The following AQP8 variants were observed in gnomAD, a reference collection of about 807,000 sequenced individuals.
AQP8 encodes aquaporin-8.
AQP8 carries 14 observed loss-of-function variants against 26.1 expected under a neutral mutation model. The observed-to-expected ratio is 0.54, with a 90% CI of 0.35 to 0.84. The LOEUF (loss-of-function observed/expected upper bound fraction) is 0.84, where lower values mean the gene tolerates loss of function less well. Ranked by LOEUF, AQP8 falls within the 40% of genes least tolerant of loss-of-function variation. The probability of loss-of-function intolerance (pLI) is 0.01; values close to 1 mark genes in which losing one functional copy is unlikely to be tolerated. For missense variants in AQP8, 301 were observed against 340.5 expected (o/e 0.88, Z 0.91); for synonymous variants, 131 against 150.7 (o/e 0.87, Z 0.96).
At chr16:25,227,008 T>A (rs1962643614) in intron 4 of AQP8, 60 bp from the exon 5 acceptor site, 1 of 1,609,726 alleles carries the variant, frequency 6.2e-7, no homozygotes, top group Non-Finnish European at 8.5e-7. Context: ...GGGACATGAG[T>A]GTGAGGTGAG....
rs143923104 is a variant in AQP8 at position 25,217,368 on chromosome 16, G to A, written c.183G>A (p.Thr61=). The change falls in exon 2 of 6, where the codon ACG becomes ACA. Residue 61 remains threonine, a synonymous_variant. Transcript: ENST00000219660. ...GCCTGTCGGTCATTGAGAATGGGACGGACACTGGGCTGCTGCAGCCGGCCC... is the reference window on the plus strand; with the variant it reads ...GCCTGTCGGTCATTGAGAATGGGACAGACACTGGGCTGCTGCAGCCGGCCC... ...IGCLSVIENG[T]DTGLLQPALA... 1.4e-5 allele frequency: 22 copies of A among 1,614,128 alleles called. No homozygotes were observed. The Admixed American group carries it at 2.0e-4, about 15-fold the overall frequency.
intron 4 of AQP8, 74 bp downstream of exon 4, chr16:25,224,650 G>A (rs1962608715): frequency 2.1e-6 from 3 of 1,463,154 alleles, no homozygotes; most frequent in African/African-American, 2.8e-5. Flanking sequence ...TCAGGCCTGA[G>A]GGTCACAGAT....
intron 2 of AQP8, among the ~76,000 whole-genome samples, chr16:25,219,474 C>A: frequency 6.6e-6 from 1 of 151,584 alleles, no homozygotes; most frequent in Non-Finnish European, 1.5e-5. Flanking sequence ...GCTGAGTGAA[C>A]AATGAATGAA....
At chr16:25,227,467 TCAAA>T (rs759595903) in intron 5 of AQP8, among the ~76,000 whole-genome samples, 1 of 152,142 alleles carries the variant, frequency 6.6e-6, no homozygotes, top group Non-Finnish European at 1.5e-5. Flanking sequence ...CAGGTGGCGC[TCAAA>T]CAATGTCTTT....
chr16:25,217,728 A>G (rs1962507982), intron 2 of AQP8, among the ~76,000 whole-genome samples: 1 of 152,138 alleles, frequency 6.6e-6, no homozygotes, highest in Non-Finnish European at 1.5e-5. Context: ...GGGTCTCACT[A>G]TGTTGCCCAG....
intron 3 of AQP8, among the ~76,000 whole-genome samples, chr16:25,222,855 C>T (rs1049009778): frequency 2.0e-5 from 3 of 152,166 alleles, no homozygotes; most frequent in Non-Finnish European, 2.9e-5. Context: ...GGAACACGCC[C>T]GGGACCTTCC....
intron 2 of AQP8, among the ~76,000 whole-genome samples, chr16:25,219,547 C>T (rs948756836): frequency 1.3e-5 from 2 of 151,500 alleles, no homozygotes; most frequent in Admixed American, 6.6e-5. Flanking sequence ...GTGTGGTTTT[C>T]GTCACCTGGC....
chr16:25,222,750 C>A (rs990790873), intron 3 of AQP8, among the ~76,000 whole-genome samples: 1 of 152,046 alleles, frequency 6.6e-6, no homozygotes, highest in Non-Finnish European at 1.5e-5. Flanking sequence ...GCTGACCCAC[C>A]GCAGACTTTG....
chr16:25,217,066 T>G lies in AQP8; in HGVS notation c.12+9T>G, dbSNP rs577066597. On this transcript the variant is annotated intron_variant, in intron 1 of 5. Transcript: ENST00000219660. ...TCCTGATGTCTGGAGAGGTGAGCCC[T>G]CTGTCGGCATCTTCCTCTCCAGGCT... 1 of 1,613,988 alleles carries G rather than the reference T, an allele frequency of 6.2e-7. No individual in the cohort carries two copies. Among genetic ancestry groups the G allele is most frequent in the South Asian group, 1.1e-5 (1 of 91,088 alleles).
Position 25,221,509 on chromosome 16 carries a change from C to T in AQP8, c.313C>T (p.Leu105Phe). The T allele has an allele frequency of 1.9e-6, 3 of 1,614,098 alleles. No homozygotes were observed. The highest frequency in any genetic ancestry group is 2.5e-6 in the Non-Finnish European group (3 of 1,180,012). The change falls in exon 3 of 6, where the codon CTC becomes TTC. Residue 105 changes from leucine to phenylalanine, a missense_variant. Transcript: ENST00000219660. ...CCTGGCAGCCATGCTGATCGGAGGC[C>T]TCAACCTGGTGATGCTCCTCCCGTA... Reference protein sequence around the residue: ...VSLAAMLIGGLNLVMLLPYWV... With the variant: ...VSLAAMLIGGFNLVMLLPYWV...
chr16:25,223,553 A>G (rs997567971), intron 3 of AQP8, among the ~76,000 whole-genome samples: 1 of 152,038 alleles, frequency 6.6e-6, no homozygotes, highest in Non-Finnish European at 1.5e-5. Context: ...AATTTTAAAA[A>G]AAACATTAGG....
intron 5 of AQP8, 106 bp downstream of exon 5, chr16:25,227,308 A>G (rs1183276397): frequency 1.4e-6 from 2 of 1,465,532 alleles, no homozygotes; most frequent in Non-Finnish European, 1.9e-6. Flanking sequence ...TTTGGAAGAG[A>G]AAAGAGGGAG....
chr16:25,220,735 AT>A (rs1321052979), intron 2 of AQP8, among the ~76,000 whole-genome samples: 1 of 152,182 alleles, frequency 6.6e-6, no homozygotes, highest in African/African-American at 2.4e-5. Context: ...AGGAGGTCTT[AT>A]TCAGGGCCTA....
At chr16:25,226,208 AT>A (rs998868578) in intron 4 of AQP8, among the ~76,000 whole-genome samples, 1 of 152,150 alleles carries the variant, frequency 6.6e-6, no homozygotes, top group Admixed American at 6.5e-5. Flanking sequence ...TCAAGCATTT[AT>A]TTTTTGTGTC....
chr16:25,222,671 G>A (rs1235473484), intron 3 of AQP8, among the ~76,000 whole-genome samples: 10 of 149,446 alleles, frequency 6.7e-5, no homozygotes, highest in Admixed American at 5.9e-4. Flanking sequence ...CTTGCTTGGT[G>A]TGTGTGTGGG....
Position 25,224,355 on chromosome 16 carries a change from T to C in AQP8, c.388-7T>C, listed in dbSNP as rs1287348767. On this transcript the variant is annotated splice_polypyrimidine_tract_variant and splice_region_variant and intron_variant, in intron 3 of 5. Coordinates refer to ENST00000219660, the MANE Select transcript of AQP8 (RefSeq NM_001169.3). ...CCACTGTGAGGCTCAGCAGCTTCTCTGTGCAGGCGGTGAGTCCTGAGGAGA... is the reference window on the plus strand; with the variant it reads ...CCACTGTGAGGCTCAGCAGCTTCTCCGTGCAGGCGGTGAGTCCTGAGGAGA... 2 of 1,606,280 alleles carry C rather than the reference T, an allele frequency of 1.2e-6. No individual in the cohort carries two copies. Among genetic ancestry groups the C allele is most frequent in the Non-Finnish European group, 1.7e-6 (2 of 1,174,820 alleles).
chr16:25,228,420 C>A (rs763010125), intron 5 of AQP8, 24 bp from the exon 6 acceptor site: 1 of 1,613,676 alleles, frequency 6.2e-7, no homozygotes, highest in East Asian at 2.2e-5. Flanking sequence ...GGGCAGAGAC[C>A]TTACTGGGTC....
intron 4 of AQP8, among the ~76,000 whole-genome samples, chr16:25,225,391 T>A (rs1016732005): frequency 1.3e-5 from 2 of 152,054 alleles, no homozygotes; most frequent in Non-Finnish European, 2.9e-5. Context: ...AGGTGGAGCC[T>A]GGGGCAGGCT....
chr16:25,225,238 C>T (rs917454729), intron 4 of AQP8, among the ~76,000 whole-genome samples: 2 of 152,152 alleles, frequency 1.3e-5, no homozygotes, highest in African/African-American at 4.8e-5. Flanking sequence ...CCTGCGTTGG[C>T]CTCTCAAAAG....
Sources: allele counts gnomAD v4.1 joint callset (sites outside exome capture counted in the v4.1 genomes callset), GRCh38; gene constraint gnomAD v4.1.1; transcripts MANE v1.5; gene names NCBI Gene and HGNC (gene_info 2026-07-23, HGNC 2026-07-21).